The following ABCA13 variants were observed in gnomAD, a reference collection of about 807,000 sequenced individuals.
ABCA13 encodes ATP binding cassette subfamily A member 13, also known as ATP-binding cassette sub-family A member 13.
A neutral mutation model predicts 478.7 loss-of-function variants in ABCA13; 476 were observed. The ratio of observed to expected loss-of-function variants is 0.99; its 90% confidence interval spans 0.92 to 1.07. The LOEUF is 1.07. Among genes scored for constraint, ABCA13 ranks in the 50% least tolerant of loss-of-function variants. ABCA13 has a pLI of 0.00. For synonymous variants in ABCA13, 2,252 were observed against 2,158.9 expected (o/e 1.04, Z -1.20); for missense variants, 6,060 against 5,910.6 (o/e 1.03, Z -0.83).
intron 59 of ABCA13, among the ~76,000 whole-genome samples, chr7:48,634,665 T>C (rs1794478871): frequency 6.6e-6 from 1 of 152,204 alleles, no homozygotes; most frequent in South Asian, 2.1e-4. Context: ...ATTTCCTGTC[T>C]TCTTGCTTTA....
rs917245752 is a variant in ABCA13, at chr7:48,540,761, G to T, written c.14354+12416G>T. ...ATCTTCAAACTTGAGAGTAATACAT[G>T]TCTAAATATATTTCAAAATTGTCCA... On this transcript the variant is annotated intron_variant, in intron 55 of 61. Transcript: ENST00000435803. Among the ~76,000 whole-genome samples, 7 of 152,140 alleles carry T rather than the reference G, an allele frequency of 4.6e-5. No individual in the cohort carries two copies. The East Asian group carries it at 1.4e-3, about 29-fold the overall frequency.
chr7:48,410,742 G>T (rs922021075), intron 40 of ABCA13, 65 bp downstream of exon 40: 3 of 1,561,134 alleles, frequency 1.9e-6, no homozygotes, highest in Non-Finnish European at 2.6e-6. Flanking sequence ...AGAAACAAGT[G>T]GTGACAGTTA....
At chr7:48,182,320 T>C (rs1050470472) in intron 1 of ABCA13, among the ~76,000 whole-genome samples, 9 of 152,236 alleles carry the variant, frequency 5.9e-5, no homozygotes, top group African/African-American at 2.2e-4. Flanking sequence ...TTTATACATA[T>C]TTTAGATACT....
At chr7:48,363,624 T>G (rs1258827418) in intron 31 of ABCA13, among the ~76,000 whole-genome samples, 1 of 152,198 alleles carries the variant, frequency 6.6e-6, no homozygotes, top group African/African-American at 2.4e-5. Flanking sequence ...TAAAAAACTC[T>G]ATTCCTGTTT....
intron 55 of ABCA13, among the ~76,000 whole-genome samples, chr7:48,571,756 T>C (rs1251744642): frequency 3.3e-5 from 5 of 152,222 alleles, no homozygotes; most frequent in African/African-American, 1.2e-4. Flanking sequence ...TTTCTTTCAA[T>C]CTTTATAACT....
chr7:48,313,495 G>T (rs998882064), intron 25 of ABCA13, among the ~76,000 whole-genome samples: 1 of 152,198 alleles, frequency 6.6e-6, no homozygotes, highest in Non-Finnish European at 1.5e-5. Flanking sequence ...TATCTATAAA[G>T]TAAGAAATTA....
chr7:48,295,053 G>A (rs1799178030), intron 20 of ABCA13, among the ~76,000 whole-genome samples: 1 of 152,120 alleles, frequency 6.6e-6, no homozygotes, highest in African/African-American at 2.4e-5. Context: ...CCCAGAAGTG[G>A]GATTTCTGGA....
intron 15 of ABCA13, among the ~76,000 whole-genome samples, chr7:48,259,878 T>C (rs1416271389): frequency 6.6e-6 from 1 of 152,016 alleles, no homozygotes; most frequent in Non-Finnish European, 1.5e-5. Context: ...GCTCTGTTGT[T>C]ATTTCCTTAG....
At chr7:48,171,877 A>G (rs1413723170) in intron 1 of ABCA13, among the ~76,000 whole-genome samples, 1 of 152,256 alleles carries the variant, frequency 6.6e-6, no homozygotes, top group East Asian at 1.9e-4. Context: ...CTGAACAGTG[A>G]ATTCTCAGGT....
At chr7:48,412,211 C>A in intron 40 of ABCA13, 142 bp from the exon 41 acceptor site, 1 of 626,048 alleles carries the variant, frequency 1.6e-6, no homozygotes, top group African/African-American at 1.8e-5. Flanking sequence ...ATTGAGATGC[C>A]TATTGCTTAA....
chr7:48,524,278 A>T lies in ABCA13; in HGVS notation c.14082A>T (p.Lys4694Asn). The T allele has an allele frequency of 6.2e-7, 1 of 1,612,508 alleles. No homozygotes were observed. The highest frequency in any genetic ancestry group is 8.5e-7 in the Non-Finnish European group (1 of 1,179,312). ...ATTCTACTCTCCAAGGCACAGTCAA[A>T]TCTTCTAAGGATACAGATGTTGAAA... ...RGHSTLQGTV[K>N]SSKDTDVEKE... Residue 4694 changes from lysine (K) to asparagine (N), a missense_variant, in exon 54 of 62, where the codon AAA (lysine) becomes AAT (asparagine). Coordinates refer to ENST00000435803, the MANE Select transcript of ABCA13 (RefSeq NM_152701.5).
At chr7:48,625,128 C>G (rs1185568705) in intron 59 of ABCA13, among the ~76,000 whole-genome samples, 2 of 152,102 alleles carry the variant, frequency 1.3e-5, no homozygotes, top group Non-Finnish European at 2.9e-5. Flanking sequence ...GAGGCAGAAT[C>G]TTGTTTGAGC....
At chr7:48,209,358 A>G (rs1332723367) in intron 3 of ABCA13, among the ~76,000 whole-genome samples, 2 of 151,970 alleles carry the variant, frequency 1.3e-5, no homozygotes, top group African/African-American at 4.8e-5. Context: ...TGGTTTTGGT[A>G]TCAGGGTAAT....
chr7:48,398,485 T>C (rs1281994352), intron 38 of ABCA13, among the ~76,000 whole-genome samples: 3 of 152,174 alleles, frequency 2.0e-5, no homozygotes, highest in African/African-American at 7.2e-5. Flanking sequence ...TCCCTATTAC[T>C]CTCCTGTATC....
At chr7:48,625,277 C>T (rs1793558749) in intron 59 of ABCA13, among the ~76,000 whole-genome samples, 1 of 152,160 alleles carries the variant, frequency 6.6e-6, no homozygotes, top group South Asian at 2.1e-4. Flanking sequence ...AAGATTGCAT[C>T]ACCACATAAT....
At chr7:48,308,287 T>A (rs933586082) in intron 23 of ABCA13, among the ~76,000 whole-genome samples, 1 of 152,208 alleles carries the variant, frequency 6.6e-6, no homozygotes, top group East Asian at 1.9e-4. Flanking sequence ...TGTCGTCTCC[T>A]GTGATAACAA....
intron 45 of ABCA13, among the ~76,000 whole-genome samples, chr7:48,477,747 G>C (rs868725694): frequency 1.6e-5 from 2 of 121,880 alleles, no homozygotes; most frequent in African/African-American, 6.3e-5. Flanking sequence ...TTGTGGGGTG[G>C]GGGGAGGGGG....
intron 27 of ABCA13, among the ~76,000 whole-genome samples, chr7:48,325,451 T>A (rs1360571020): frequency 6.6e-6 from 1 of 152,118 alleles, no homozygotes; most frequent in East Asian, 1.9e-4. Flanking sequence ...CCAAGAGGCT[T>A]TTTTTTCTTT....
chr7:48,299,850 T>C (rs1012669430), intron 23 of ABCA13, among the ~76,000 whole-genome samples: 1 of 152,164 alleles, frequency 6.6e-6, no homozygotes, highest in Non-Finnish European at 1.5e-5. Context: ...CTTGTGTAGA[T>C]GGTTCTGTAG....
Sources: gnomAD v4.1 joint callset for allele counts (sites outside exome capture counted in the v4.1 genomes callset) on GRCh38, gnomAD v4.1.1 for gene constraint, MANE v1.5 for transcripts, NCBI Gene and HGNC (gene_info 2026-07-23, HGNC 2026-07-21) for gene names.